The following MDFIC variants were observed in gnomAD, a reference collection of about 807,000 sequenced individuals.
MDFIC encodes the protein MyoD family inhibitor domain containing.
Under a neutral mutation model 23.2 loss-of-function variants are expected in MDFIC, and 17 were observed. The ratio of observed to expected loss-of-function variants is 0.73; its 90% CI spans 0.50 to 1.10. The LOEUF (loss-of-function observed/expected upper bound fraction) is 1.10, where lower values mean the gene tolerates loss of function less well. Among genes scored for constraint, MDFIC ranks in the 50% least tolerant of loss-of-function variants. The probability of loss-of-function intolerance (pLI) is 0.00; values close to 1 mark genes in which losing one functional copy is unlikely to be tolerated. For missense variants in MDFIC, 356 were observed against 316.6 expected, an observed-to-expected ratio of 1.12 and a Z score of -0.95; for synonymous variants, 120 against 115.2, an observed-to-expected ratio of 1.04 and a Z score of -0.27.
chr7:114,922,734 G>C (rs1399285928), intron 1 of MDFIC, 98 bp downstream of exon 1: 8 of 1,347,960 alleles, frequency 5.9e-6, no homozygotes, highest in Admixed American at 6.7e-5. Flanking sequence ...TCCCCGCTGG[G>C]TCCACCTCGG....
At chr7:114,997,773 G>GAAAAA in intron 4 of MDFIC, among the ~76,000 whole-genome samples, 1 of 141,888 alleles carries the variant, frequency 7.0e-6, no homozygotes, top group Non-Finnish European at 1.5e-5. Context: ...AAAAAGAAAA[G>GAAAAA]AAAAGAAAAG....
At chr7:114,944,017 C>T (rs1291606855) in intron 3 of MDFIC, among the ~76,000 whole-genome samples, 6 of 152,174 alleles carry the variant, frequency 3.9e-5, no homozygotes, top group South Asian at 4.2e-4. Flanking sequence ...TGGTGAAGCT[C>T]ATATTAGTCA....
In MDFIC at chr7:115,018,770, A is replaced by C. The variant is rs1049926731; in HGVS notation, c.*2835A>C. 1 of 152,186 alleles carries C rather than the reference A, an allele frequency of 6.6e-6. No individual in the cohort carries two copies. Among genetic ancestry groups the C allele is most frequent in the Non-Finnish European group, 1.5e-5 (1 of 67,854 alleles). 9.4% of individuals were successfully genotyped at this position (152,186 alleles called of 1,614,324 possible). On this transcript the variant is annotated 3_prime_UTR_variant, in exon 5 of 5. Transcript: ENST00000393486. The stretch of plus-strand genomic sequence containing the variant: ...TGACTTCTTTATTTTGCTTTACCGT[A>C]TGTTTATATCTAATTGACATATTGA...
chr7:115,001,770 T>A (rs1791469859), intron 4 of MDFIC, among the ~76,000 whole-genome samples: 1 of 152,176 alleles, frequency 6.6e-6, no homozygotes, highest in Non-Finnish European at 1.5e-5. Context: ...TAGAAATAAG[T>A]ATGCACCTAC....
At chr7:114,940,980 TC>T (rs1792525519) in intron 2 of MDFIC, among the ~76,000 whole-genome samples, 1 of 147,066 alleles carries the variant, frequency 6.8e-6, no homozygotes, top group South Asian at 2.5e-4. Context: ...TTGCTAGGTC[TC>T]TCTTTTAGTT....
rs184099271 is a variant in MDFIC, at chr7:114,932,546, G to A, written c.94+9419G>A. Among the ~76,000 whole-genome samples, 7 of 152,350 alleles carry A rather than the reference G, an allele frequency of 4.6e-5. No homozygotes were observed. In the East Asian group the frequency reaches 1.3e-3, roughly 29 times the overall value. On this transcript the variant is annotated intron_variant, in intron 2 of 4. Transcript: ENST00000393486. ...TCTGAGTTGCTAAAGATATATTTAT[G>A]TAGAGTTAAAACTTCAAATCTGTAG...
chr7:114,968,907 T>C (rs566909008), intron 3 of MDFIC, among the ~76,000 whole-genome samples: 2 of 152,330 alleles, frequency 1.3e-5, no homozygotes, highest in African/African-American at 4.8e-5. Context: ...ATTTGTATGC[T>C]CGTCTACGTA....
rs751098850 is a variant in MDFIC at position 114,972,661 on chromosome 7, G to A, written c.218-6845G>A. Among the ~76,000 whole-genome samples, 103 of 151,744 alleles carry A rather than the reference G, an allele frequency of 6.8e-4. 1 individual carries two copies. The highest frequency in any genetic ancestry group is 3.4e-3 in the Middle Eastern group (1 of 294). On this transcript the variant is annotated intron_variant, in intron 3 of 4. Coordinates refer to ENST00000393486, the MANE Select transcript of MDFIC (RefSeq NM_001166345.3). ...CTTTCTTTCTTGAGACAGGATCTCC[G>A]TCTGTCACTCAGGCTGGAGTGCAGT...
chr7:114,957,741 A>C (rs1792910542), intron 3 of MDFIC, among the ~76,000 whole-genome samples: 1 of 152,172 alleles, frequency 6.6e-6, no homozygotes, highest in African/African-American at 2.4e-5. Context: ...AAGAAGATTT[A>C]TTAGGGGCAG....
At chr7:114,935,350 A>T (rs1368747814) in intron 2 of MDFIC, among the ~76,000 whole-genome samples, 1 of 152,094 alleles carries the variant, frequency 6.6e-6, no homozygotes, top group Non-Finnish European at 1.5e-5. Flanking sequence ...AACATGCAAA[A>T]GTCTCAAAAT....
chr7:114,943,284 CACTT>C (rs1247553247), intron 3 of MDFIC, among the ~76,000 whole-genome samples: 1 of 152,058 alleles, frequency 6.6e-6, no homozygotes, highest in African/African-American at 2.4e-5. Context: ...TTCCACATTA[CACTT>C]ACTTTGAAAC....
intron 3 of MDFIC, among the ~76,000 whole-genome samples, chr7:114,963,760 T>C (rs924444780): frequency 6.6e-6 from 1 of 152,154 alleles, no homozygotes; most frequent in Non-Finnish European, 1.5e-5. Flanking sequence ...TTATTGTTTT[T>C]GTAGAGATGG....
chr7:114,986,136 G>T (rs1793509044), intron 4 of MDFIC, among the ~76,000 whole-genome samples: 1 of 151,820 alleles, frequency 6.6e-6, no homozygotes. Context: ...CTCTACAGGA[G>T]ACATTTGGAC....
chr7:115,007,586 A>C (rs1791594022), intron 4 of MDFIC, among the ~76,000 whole-genome samples: 1 of 148,042 alleles, frequency 6.8e-6, no homozygotes, highest in African/African-American at 2.5e-5. Flanking sequence ...TAAGAATCAA[A>C]ATATTTTCTG....
chr7:114,932,307 T>C (rs1381587934), intron 2 of MDFIC, among the ~76,000 whole-genome samples: 1 of 152,102 alleles, frequency 6.6e-6, no homozygotes, highest in Admixed American at 6.5e-5. Flanking sequence ...GAGGCACTGG[T>C]AGTGGGTGTG....
intron 2 of MDFIC, among the ~76,000 whole-genome samples, chr7:114,927,319 A>C (rs1484730491): frequency 1.1e-5 from 1 of 94,842 alleles, no homozygotes; most frequent in African/African-American, 4.3e-5. Context: ...ACTTTTAAAA[A>C]CAGTCCTTTT....
At chr7:115,000,243 T>G in intron 4 of MDFIC, among the ~76,000 whole-genome samples, 1 of 152,188 alleles carries the variant, frequency 6.6e-6, no homozygotes, top group Non-Finnish European at 1.5e-5. Context: ...AGTAACATGC[T>G]GAACCACTTT....
At chr7:114,951,072 G>A (rs1792759362) in intron 3 of MDFIC, among the ~76,000 whole-genome samples, 1 of 152,182 alleles carries the variant, frequency 6.6e-6, no homozygotes, top group South Asian at 2.1e-4. Context: ...TGTAGTCCCA[G>A]TTACTTGGGA....
chr7:114,970,957 C>T (rs1464502784), intron 3 of MDFIC, among the ~76,000 whole-genome samples: 1 of 152,154 alleles, frequency 6.6e-6, no homozygotes. Context: ...TGAAATGTGT[C>T]TCTACAGAGG....
Sources: allele counts gnomAD v4.1 joint callset (sites outside exome capture counted in the v4.1 genomes callset), GRCh38; gene constraint gnomAD v4.1.1; transcripts MANE v1.5; gene names NCBI Gene and HGNC (gene_info 2026-07-23, HGNC 2026-07-21).